The following MYO9A variants were observed in gnomAD, a reference collection of about 807,000 sequenced individuals.
MYO9A encodes unconventional myosin-IXa.
MYO9A carries 103 observed loss-of-function variants against 293.3 expected under a neutral mutation model. The observed-to-expected ratio is 0.35, with a 90% CI of 0.30 to 0.41. The LOEUF is 0.41. MYO9A is among the 10% of genes least tolerant of loss of function. The pLI is 1.00. For missense variants in MYO9A, 2,685 were observed against 3,033.0 expected (o/e 0.89, Z 2.69); for synonymous variants, 1,001 against 1,035.7 (o/e 0.97, Z 0.64).
chr15:72,000,409 T>C (rs2076829724), intron 8 of MYO9A, among the ~76,000 whole-genome samples: 1 of 152,242 alleles, frequency 6.6e-6, no homozygotes, highest in African/African-American at 2.4e-5. Flanking sequence ...TTCTTATTCA[T>C]GAATGATAAA....
intron 1 of MYO9A, among the ~76,000 whole-genome samples, chr15:72,091,009 A>T (rs28538118): frequency 2.7e-5 from 4 of 147,650 alleles, no homozygotes; most frequent in African/African-American, 7.3e-5. Context: ...ATAAAAAAAT[A>T]AAAAAGCAAC....
intron 1 of MYO9A, among the ~76,000 whole-genome samples, chr15:72,091,858 G>A (rs1017605810): frequency 6.6e-6 from 1 of 151,816 alleles, no homozygotes; most frequent in African/African-American, 2.4e-5. Context: ...GGGACTACAG[G>A]TGCCCGCCAC....
Position 72,101,674 on chromosome 15 carries a change from G to A in MYO9A, c.-72+16006C>T, listed in dbSNP as rs1216599788. ...CAGGCCCCGCCCGGCCAGCCGCCCC[G>A]TCTGGGAGGGAGGTGGGGGGGGTCA... On this transcript the variant is annotated intron_variant, in intron 1 of 41. Coordinates refer to ENST00000356056, the MANE Select transcript of MYO9A (RefSeq NM_006901.4). Among the ~76,000 whole-genome samples the A allele has an allele frequency of 5.6e-4, 71 of 127,392 alleles. 1 individual carries two copies. Among genetic ancestry groups the A allele is most frequent in the African/African-American group, 7.9e-4 (26 of 32,786 alleles). 83.6% of individuals were successfully genotyped at this position (127,392 alleles called of 152,430 possible). A position where few individuals can be genotyped will look rare whatever the true frequency, so the allele number is the denominator to read the frequency against.
intron 12 of MYO9A, among the ~76,000 whole-genome samples, chr15:71,976,620 T>G (rs1356739253): frequency 6.6e-6 from 1 of 152,040 alleles, no homozygotes. Context: ...ATACCAGAGG[T>G]AGGGTATACA....
At chr15:71,851,488 G>A (rs887931689) in intron 36 of MYO9A, 130 bp from the exon 37 acceptor site, 3 of 578,394 alleles carry the variant, frequency 5.2e-6, no homozygotes, top group Non-Finnish European at 5.9e-6. Flanking sequence ...TAGGGCAGGA[G>A]AAGAGCAACT....
Position 72,046,506 on chromosome 15 carries a change from T to A in MYO9A, c.58A>T (p.Ile20Leu), listed in dbSNP as rs972583405. 1 of 1,613,596 alleles carries A rather than the reference T, an allele frequency of 6.2e-7. No individual in the cohort carries two copies. The highest frequency in any genetic ancestry group is 1.3e-5 in the African/African-American group (1 of 75,008). The change falls in exon 2 of 42, where the codon ATA becomes TTA. Residue 20 changes from isoleucine to leucine, a missense_variant. By Grantham distance (5) the Ile-to-Leu change is conservative. Around this residue, in one of 10 missense-constraint regions of MYO9A, gnomAD observed 67 missense variants for 63.2 expected, o/e 1.06. Transcript: ENST00000356056. ...RFEDNEHTLR[I>L]YPGAISEGTI... Reference sequence around the variant, plus strand: ...CCTTCTGAAATAGCCCCAGGATATATCCGTAATGTATGTTCATTATCTTCA... The same window carrying A: ...CCTTCTGAAATAGCCCCAGGATATAACCGTAATGTATGTTCATTATCTTCA...
intron 35 of MYO9A, among the ~76,000 whole-genome samples, chr15:71,853,921 T>C (rs890138657): frequency 2.6e-5 from 4 of 152,234 alleles, no homozygotes; most frequent in African/African-American, 7.2e-5. Context: ...TGGTCACTTA[T>C]TGGCGATCAG....
At chr15:72,104,688 A>C (rs1443985890) in intron 1 of MYO9A, among the ~76,000 whole-genome samples, 2 of 152,226 alleles carry the variant, frequency 1.3e-5, no homozygotes, top group Non-Finnish European at 2.9e-5. Flanking sequence ...TGAATTCTTT[A>C]TATCCCAACA....
At chr15:72,053,708 T>C (rs2078638092) in intron 1 of MYO9A, among the ~76,000 whole-genome samples, 1 of 152,210 alleles carries the variant, frequency 6.6e-6, no homozygotes, top group Non-Finnish European at 1.5e-5. Context: ...GGTACTGCTG[T>C]GCTTATTACC....
intron 30 of MYO9A, among the ~76,000 whole-genome samples, chr15:71,878,740 ATTTTTTTTTT>A (rs200866619): frequency 0.075 from 8,191 of 108,736 alleles, 455 homozygotes; most frequent in East Asian, 0.22. Flanking sequence ...GAGATCTGGA[ATTTTTTTTTT>A]TTTTTTTTTT....
intron 1 of MYO9A, among the ~76,000 whole-genome samples, chr15:72,082,614 T>G (rs2079581195): frequency 6.6e-6 from 1 of 152,090 alleles, no homozygotes; most frequent in Non-Finnish European, 1.5e-5. Context: ...ATTCTTGTCT[T>G]GTGCCAGATT....
chr15:71,829,224 T>C (rs1024425153), intron 40 of MYO9A, among the ~76,000 whole-genome samples: 13 of 152,144 alleles, frequency 8.5e-5, no homozygotes, highest in African/African-American at 3.1e-4. Context: ...CCTTATCATG[T>C]TTTTTACAGC....
At chr15:71,831,981 GAAAGT>G (rs1490237072) in intron 39 of MYO9A, among the ~76,000 whole-genome samples, 1 of 152,116 alleles carries the variant, frequency 6.6e-6, no homozygotes, top group African/African-American at 2.4e-5. Context: ...ATTCACAAAA[GAAAGT>G]AAAAGAATGG....
chr15:71,894,921 C>T (rs942850553), intron 25 of MYO9A, among the ~76,000 whole-genome samples: 14 of 152,138 alleles, frequency 9.2e-5, no homozygotes, highest in Non-Finnish European at 8.8e-5. Flanking sequence ...TATCTTACTT[C>T]CAAGGATAGT....
chr15:72,019,335 T>A (rs950146322), intron 5 of MYO9A, among the ~76,000 whole-genome samples: 2 of 152,196 alleles, frequency 1.3e-5, no homozygotes, highest in Admixed American at 6.5e-5. Context: ...GAGTCCCATA[T>A]CCTATGAATA....
chr15:72,039,942 G>T, intron 2 of MYO9A: 1 of 188,118 alleles, frequency 5.3e-6, no homozygotes, highest in South Asian at 1.2e-4. Context: ...CCAGGTCCTG[G>T]GAGATGCACA....
intron 1 of MYO9A, among the ~76,000 whole-genome samples, chr15:72,101,691 G>T (rs1254059915): frequency 2.0e-4 from 28 of 140,656 alleles, no homozygotes; most frequent in Admixed American, 1.7e-3. Flanking sequence ...AGGGAGGTGG[G>T]GGGGGTCAGC....
chr15:71,877,915 G>A (rs572295483), intron 31 of MYO9A, 125 bp downstream of exon 31: 1 of 741,080 alleles, frequency 1.3e-6, no homozygotes, highest in East Asian at 2.8e-5. Context: ...AAGTTGACAT[G>A]TTCCCTGTAA....
In MYO9A at chr15:71,824,227, C is replaced by T. The variant is rs2054377549; in HGVS notation, c.*2353G>A. 6.6e-6 allele frequency: 1 copy of T among 152,108 alleles called. No homozygotes were observed. The highest frequency in any genetic ancestry group is 2.1e-4 in the South Asian group (1 of 4,830). The allele number at this position is 152,108 out of a possible 1,614,324, so 9.4% of individuals were successfully genotyped here. ...TTTTTTTAATTGAATTTTATCCAAA[C>T]TGGAGTTTCAGGTCCCTGAGAAAAA... On this transcript the variant is annotated 3_prime_UTR_variant, in exon 42 of 42. Transcript: ENST00000356056.
Sources: gnomAD v4.1 joint callset for allele counts (sites outside exome capture counted in the v4.1 genomes callset) on GRCh38, gnomAD v4.1.1 for gene constraint, gnomAD v4.1.1 regional missense constraint, MANE v1.5 for transcripts, NCBI Gene and HGNC (gene_info 2026-07-23, HGNC 2026-07-21) for gene names.